PTCH1: variants seen among roughly 807,000 people sequenced by gnomAD.
PTCH1 encodes protein patched homolog 1.
Under a neutral mutation model 144.6 loss-of-function variants are expected in PTCH1, and 14 were observed. The observed-to-expected ratio is 0.10, with a 90% CI of 0.06 to 0.15. PTCH1 has a LOEUF of 0.15. PTCH1 is among the 10% of genes least tolerant of loss of function. The pLI, the probability that PTCH1 is intolerant of heterozygous loss-of-function variation, is 1.00. For missense variants in PTCH1, 1,623 were observed against 1,948.3 expected (o/e 0.83, Z 3.14); for synonymous variants, 833 against 793.6 (o/e 1.05, Z -0.83).
Position 95,446,346 on chromosome 9 carries a change from G to C in PTCH1, c.*47C>G, listed in dbSNP as rs774171552. The stretch of plus-strand genomic sequence containing the variant: ...AGCAGTTCTGGAAAGAGGTGGGGGT[G>C]GGGGGTTTCCAATCTTTGGCCTCTT... On this transcript the variant is annotated 3_prime_UTR_variant, in exon 24 of 24. Transcript: ENST00000331920. 1.9e-6 allele frequency: 1 copy of C among 517,844 alleles called. No individual in the cohort carries two copies. The highest frequency in any genetic ancestry group is 1.4e-5 in the South Asian group (1 of 71,160). The allele number at this position is 517,844 out of a possible 1,614,324, so 32.1% of individuals were successfully genotyped here.
intron 15 of PTCH1, among the ~76,000 whole-genome samples, chr9:95,462,973 C>T (rs947154748): frequency 2.0e-5 from 3 of 152,114 alleles, no homozygotes; most frequent in African/African-American, 7.2e-5. Context: ...CTGGTGCGCA[C>T]GCTCTCCGGG....
In PTCH1 at chr9:95,458,374, G is replaced by C; in HGVS notation, c.2888-81C>G. On this transcript the variant is annotated intron_variant, in intron 17 of 23. Transcript: ENST00000331920. This position sits in a 1 kb window ranked among gnomAD's most constrained non-coding sequence, Gnocchi z 4.7. ...TTCAATGGAAAGAGAGAAGAACTTT[G>C]CATGAAAGCTTACTGACTGCTCTTC... 1.3e-6 allele frequency: 2 copies of C among 1,514,500 alleles called. No homozygotes were observed. Among genetic ancestry groups the C allele is most frequent in the Non-Finnish European group, 1.8e-6 (2 of 1,111,480 alleles). 93.8% of individuals were successfully genotyped at this position (1,514,500 alleles called of 1,614,324 possible). A position where few individuals can be genotyped will look rare whatever the true frequency, so the allele number is the denominator to read the frequency against.
At chr9:95,508,098 G>T in intron 1 of PTCH1, 63 bp downstream of exon 1, 1 of 1,600,452 alleles carries the variant, frequency 6.2e-7, no homozygotes, top group Non-Finnish European at 8.5e-7. Flanking sequence ...TGTGTGTGGC[G>T]GGGGCGATCC....
intron 1 of PTCH1, chr9:95,507,910 A>ACACG: frequency 7.3e-7 from 1 of 1,370,578 alleles, no homozygotes; most frequent in Non-Finnish European, 9.5e-7. Flanking sequence ...GTGTATACAC[A>ACACG]CACACACACG....
At chr9:95,501,930 C>T (rs1050597310) in intron 2 of PTCH1, among the ~76,000 whole-genome samples, 2 of 152,128 alleles carry the variant, frequency 1.3e-5, no homozygotes, top group African/African-American at 4.8e-5. Flanking sequence ...ATTCGTGGCT[C>T]CAGGGAAAAC....
chr9:95,503,624 G>A (rs898327627), intron 2 of PTCH1, among the ~76,000 whole-genome samples: 6 of 152,192 alleles, frequency 3.9e-5, no homozygotes, highest in African/African-American at 1.4e-4. Context: ...TCATTAGTAG[G>A]CAAAGTAGAC....
At chr9:95,475,987 C>A in intron 12 of PTCH1, 47 bp downstream of exon 12, 1 of 1,611,672 alleles carries the variant, frequency 6.2e-7, no homozygotes, top group South Asian at 1.1e-5. Context: ...TGCTGGAAGT[C>A]AGTGCCCCGT....
chr9:95,508,693 GC>G lies in PTCH1; in HGVS notation c.-333del. ...GAGCGAGAGCCGGCGCGCCGAGCGA[GC>G]CTGTCCTTCGGGCGCTTCCGCGGCA... On this transcript the variant is annotated 5_prime_UTR_variant, in exon 1 of 24. Coordinates refer to ENST00000331920, the MANE Select transcript of PTCH1 (RefSeq NM_000264.5). 1 of 987,292 alleles carries G rather than the reference GC, an allele frequency of 1.0e-6. No homozygotes were observed. The highest frequency in any genetic ancestry group is 1.7e-5 in the African/African-American group (1 of 57,344). The allele number at this position is 987,292 out of a possible 1,614,324, so 61.2% of individuals were successfully genotyped here.
At chr9:95,482,714 A>C (rs1367720858) in intron 3 of PTCH1, 1 of 190,430 alleles carries the variant, frequency 5.3e-6, no homozygotes, top group Non-Finnish European at 1.1e-5. Context: ...AGGTGGGTCA[A>C]ATTCTAACTT....
chr9:95,449,724 GT>G lies in PTCH1; in HGVS notation c.3549+116del, dbSNP rs1177809707. 1.0e-6 allele frequency: 1 copy of G among 986,224 alleles called. No individual in the cohort carries two copies. Among genetic ancestry groups the G allele is most frequent in the African/African-American group, 1.6e-5 (1 of 62,174 alleles). 61.1% of individuals were successfully genotyped at this position (986,224 alleles called of 1,614,324 possible). A position where few individuals can be genotyped will look rare whatever the true frequency, so the allele number is the denominator to read the frequency against. ...AGGAAAACAGACATGACTCTGAGATGTTTACTGAAGAACCACCAGCAAGTGG... is the reference window on the plus strand; with the variant it reads ...AGGAAAACAGACATGACTCTGAGATGTTACTGAAGAACCACCAGCAAGTGG... On this transcript the variant is annotated intron_variant, in intron 21 of 23. Transcript: ENST00000331920. This position sits in a 1 kb window ranked among gnomAD's most constrained non-coding sequence, Gnocchi z 5.3.
At chr9:95,474,366 C>T (rs182962517) in intron 12 of PTCH1, among the ~76,000 whole-genome samples, 1 of 152,226 alleles carries the variant, frequency 6.6e-6, no homozygotes. Context: ...AGCAGACACA[C>T]ACCTGCGCAC....
At chr9:95,481,631 C>T (rs899004758) in intron 5 of PTCH1, among the ~76,000 whole-genome samples, 7 of 152,168 alleles carry the variant, frequency 4.6e-5, no homozygotes, top group African/African-American at 9.7e-5. Flanking sequence ...CTAAATGCCT[C>T]GTCTTCGAAA....
chr9:95,449,272 G>A lies in PTCH1; in HGVS notation c.3601C>T (p.Pro1201Ser), dbSNP rs1838233287. Residue 1201 changes from proline to serine, a missense_variant, in exon 22 of 24, where the codon CCC becomes TCC. Coordinates refer to ENST00000331920, the MANE Select transcript of PTCH1 (RefSeq NM_000264.5). The surrounding 1 kb of genome is among the most constrained non-coding windows in gnomAD (Gnocchi z 5.3). ...NRLPTPSPEP[P>S]PSVVRFAMPP... ...ATGGCGAAGCGGACCACGCTGGGGG[G>A]TGGCTCAGGGGAGGGTGTGGGCAGG... 1.9e-6 allele frequency: 3 copies of A among 1,562,860 alleles called. No homozygotes were observed. The highest frequency in any genetic ancestry group is 1.7e-4 in the Middle Eastern group (1 of 6,012).
Position 95,516,861 on chromosome 9 carries a change from C to G in PTCH1, c.-390G>C. On this transcript the variant is annotated 5_prime_UTR_variant, in exon 1 of 23. Transcript: ENST00000430669. ...TGGTCTGCCGCGCCATAGGCAGGACCTGTCAGGGTCACGTGACGGATCCGA... is the reference window on the plus strand; with the variant it reads ...TGGTCTGCCGCGCCATAGGCAGGACGTGTCAGGGTCACGTGACGGATCCGA... The G allele has an allele frequency of 2.6e-6, 4 of 1,527,224 alleles. 1 individual carries two copies. The South Asian group carries it at 4.9e-5, about 19-fold the overall frequency. 94.6% of individuals were successfully genotyped at this position (1,527,224 alleles called of 1,614,324 possible).
rs1838291421 is a variant in PTCH1, at chr9:95,449,777, A to G, written c.3549+64T>C. Reference sequence around the variant, plus strand: ...GAGGCACCTAAGTATCGAAGTGAAGAGCGGCACAGGAAACACAGCATTCAG... The same window carrying G: ...GAGGCACCTAAGTATCGAAGTGAAGGGCGGCACAGGAAACACAGCATTCAG... On this transcript the variant is annotated intron_variant, in intron 21 of 23. Coordinates refer to ENST00000331920, the MANE Select transcript of PTCH1 (RefSeq NM_000264.5). The surrounding 1 kb of genome is among the most constrained non-coding windows in gnomAD (Gnocchi z 5.3). 1.4e-6 allele frequency: 2 copies of G among 1,434,266 alleles called. No individual in the cohort carries two copies. Among genetic ancestry groups the G allele is most frequent in the Non-Finnish European group, 2.0e-6 (2 of 1,021,138 alleles). 88.8% of individuals were successfully genotyped at this position (1,434,266 alleles called of 1,614,324 possible).
At position 95,508,220 on chromosome 9, in the gene PTCH1, C is replaced by A. The variant is rs745685305; in HGVS notation, c.142G>T (p.Asp48Tyr). 2.4e-5 allele frequency: 39 copies of A among 1,611,458 alleles called. No individual in the cohort carries two copies. Among genetic ancestry groups the A allele is most frequent in the African/African-American group, 4.0e-5 (3 of 74,884 alleles). Residue 48 changes from aspartate (D) to tyrosine (Y), a missense_variant, in exon 1 of 24, where the codon GAC (aspartate) becomes TAC (tyrosine). This residue lies in a region of PTCH1 where 245 missense variants were observed against 240.6 expected (regional missense o/e 1.02). Coordinates refer to ENST00000331920, the MANE Select transcript of PTCH1 (RefSeq NM_000264.5). Reference sequence around the variant, plus strand: ...CAGTAGCTGGGCCGGTGCAGATAGTCCCGGTCCGGCGCGGCAGCACGGCGC... The same window carrying A: ...CAGTAGCTGGGCCGGTGCAGATAGTACCGGTCCGGCGCGGCAGCACGGCGC... ...GLRRAAAPDRDYLHRPSYCDA... is the reference protein window; with the variant it reads ...GLRRAAAPDRYYLHRPSYCDA...
At chr9:95,504,920 A>G (rs755799492) in intron 2 of PTCH1, among the ~76,000 whole-genome samples, 7 of 152,220 alleles carry the variant, frequency 4.6e-5, no homozygotes, top group Non-Finnish European at 1.0e-4. Flanking sequence ...GGTGCTCAAG[A>G]AACTTGTTGC....
At chr9:95,466,981 G>C in intron 15 of PTCH1, 135 bp downstream of exon 15, 1 of 980,362 alleles carries the variant, frequency 1.0e-6, no homozygotes, top group Non-Finnish European at 1.5e-6. Context: ...TAAGAATCTT[G>C]AGCAACTCTT....
chr9:95,503,363 G>C (rs780176902), intron 2 of PTCH1: 4 of 152,204 alleles, frequency 2.6e-5, no homozygotes, highest in Non-Finnish European at 5.9e-5. Context: ...GAATGCAAAT[G>C]CTCACACTAC....
Sources: allele counts gnomAD v4.1 joint callset (sites outside exome capture counted in the v4.1 genomes callset), GRCh38; gene constraint gnomAD v4.1.1; regional missense constraint gnomAD v4.1.1; non-coding constraint Gnocchi (gnomAD v3.1); transcripts MANE v1.5; gene names NCBI Gene and HGNC (gene_info 2026-07-23, HGNC 2026-07-21).